The following SCAI variants were observed in gnomAD, a reference collection of about 807,000 sequenced individuals.
SCAI encodes protein SCAI.
Under a neutral mutation model 92.2 loss-of-function variants are expected in SCAI, and 24 were observed. The observed-to-expected ratio is 0.26, with a 90% CI of 0.19 to 0.37. The LOEUF is 0.37. Among genes scored for constraint, SCAI ranks in the 10% least tolerant of loss-of-function variants. The pLI is 1.00. For synonymous variants in SCAI, 261 were observed against 258.6 expected, an observed-to-expected ratio of 1.01 and a Z score of -0.09; for missense variants, 450 against 736.2, an observed-to-expected ratio of 0.61 and a Z score of 4.50.
chr9:125,049,501 T>C (rs1418757548), intron 3 of SCAI, among the ~76,000 whole-genome samples: 1 of 152,250 alleles, frequency 6.6e-6, no homozygotes, highest in African/African-American at 2.4e-5. Flanking sequence ...ACTTCATTAT[T>C]ATTGCAACTA....
chr9:124,982,340 T>G (rs1326668707), intron 14 of SCAI, among the ~76,000 whole-genome samples: 1 of 152,148 alleles, frequency 6.6e-6, no homozygotes, highest in African/African-American at 2.4e-5. Flanking sequence ...CTGACCTTTT[T>G]CATTGCCCTA....
intron 2 of SCAI, among the ~76,000 whole-genome samples, chr9:125,072,099 C>A (rs527539039): frequency 2.6e-5 from 4 of 151,866 alleles, no homozygotes; most frequent in African/African-American, 9.7e-5. Context: ...TCTCGGCTCA[C>A]TGCAACCTCT....
chr9:125,112,609 G>A (rs1834954962), intron 2 of SCAI, among the ~76,000 whole-genome samples: 1 of 152,216 alleles, frequency 6.6e-6, no homozygotes, highest in Non-Finnish European at 1.5e-5. Context: ...ATACAATGGT[G>A]TCTGATGTCA....
At chr9:125,004,763 ATATATATATATATATATTTTTTTTTT>A (rs1162024321) in intron 9 of SCAI, among the ~76,000 whole-genome samples, 9 of 7,668 alleles carry the variant, frequency 1.2e-3, no homozygotes, top group African/African-American at 3.5e-3. Context: ...ATATATATAT[ATATATATATATATATATTTTTTTTTT>A]TTTTTTTTTT....
In SCAI at chr9:125,120,601, G is replaced by A. The variant is rs528961342; in HGVS notation, c.98+22032C>T. On this transcript the variant is annotated intron_variant, in intron 2 of 17. Transcript: ENST00000336505. ...CCAGCTACTCGGGAGGCTGAGGCAG[G>A]AGAATCACTTGAACCCAGGAGGCAG... is the stretch of plus-strand genomic sequence containing the variant. Among the ~76,000 whole-genome samples the A allele has an allele frequency of 8.5e-5, 13 of 152,284 alleles. No individual in the cohort carries two copies. In the South Asian group the frequency reaches 2.7e-3, roughly 32 times the overall value.
intron 2 of SCAI, among the ~76,000 whole-genome samples, chr9:125,138,603 A>G (rs1312116206): frequency 6.6e-6 from 1 of 151,510 alleles, no homozygotes; most frequent in African/African-American, 2.4e-5. Context: ...TTTAGTAGAG[A>G]CGTGGTTTCA....
intron 2 of SCAI, among the ~76,000 whole-genome samples, chr9:125,082,255 G>A (rs10986550): frequency 0.013 from 1,955 of 152,318 alleles, 102 homozygotes; most frequent in Admixed American, 0.082. Context: ...CAAGCCTTGG[G>A]TGCTTCCACA....
At chr9:125,055,652 T>C (rs1324232672) in intron 3 of SCAI, among the ~76,000 whole-genome samples, 3 of 152,212 alleles carry the variant, frequency 2.0e-5, no homozygotes, top group Non-Finnish European at 2.9e-5. Context: ...TTTCACAAAA[T>C]AGCTCTTTTT....
At chr9:125,011,595 T>C (rs1173591864) in intron 9 of SCAI, among the ~76,000 whole-genome samples, 4 of 152,230 alleles carry the variant, frequency 2.6e-5, no homozygotes, top group Non-Finnish European at 4.4e-5. Flanking sequence ...TGGAACCAAG[T>C]TGGAAAACAC....
chr9:125,004,227 T>C (rs1832425184), intron 9 of SCAI, among the ~76,000 whole-genome samples: 1 of 151,922 alleles, frequency 6.6e-6, no homozygotes, highest in South Asian at 2.1e-4. Context: ...TCTACAAACA[T>C]GTTAACCTCC....
intron 14 of SCAI, among the ~76,000 whole-genome samples, chr9:124,986,610 T>C (rs559539258): frequency 2.3e-4 from 35 of 152,292 alleles, no homozygotes; most frequent in African/African-American, 8.2e-4. Context: ...ATACCATCGA[T>C]ATGTGAAGAG....
intron 2 of SCAI, among the ~76,000 whole-genome samples, chr9:125,125,934 A>ACACT (rs1835260784): frequency 6.6e-6 from 1 of 151,256 alleles, no homozygotes; most frequent in Non-Finnish European, 1.5e-5. Flanking sequence ...ACACACACAC[A>ACACT]CACACACACA....
rs752792133 is a variant in SCAI, at chr9:125,008,115, G to A, written c.862-4545C>T. 8.6e-5 allele frequency among the ~76,000 whole-genome samples: 13 copies of A among 151,314 alleles called. No homozygotes were observed. In the South Asian group the frequency reaches 1.2e-3, roughly 15 times the overall value. Reference sequence around the variant, plus strand: ...CCGCCTCGGCCTCCCAAAGTTCAGGGATTACAGGCGTGAGCCACCGTGCCC... The same window carrying A: ...CCGCCTCGGCCTCCCAAAGTTCAGGAATTACAGGCGTGAGCCACCGTGCCC... On this transcript the variant is annotated intron_variant, in intron 9 of 17. Transcript: ENST00000336505.
In SCAI at chr9:125,019,155, A is replaced by G. The variant is rs753199519; in HGVS notation, c.660T>C (p.Asp220=). Residue 220 remains aspartate (D), a synonymous_variant, in exon 8 of 18, where the codon GAT becomes GAC. Transcript: ENST00000336505. ...GAAGCACCAAGTTCCATTCCACTTG[A>G]TCTTCAGTATTAAATCGGTGAGTAT... The part of the protein sequence containing the change: ...EDYTHRFNTE[D]QVEWNLVLQE... The G allele has an allele frequency of 6.2e-7, 1 of 1,604,314 alleles. No individual in the cohort carries two copies. Among genetic ancestry groups the G allele is most frequent in the South Asian group, 1.1e-5 (1 of 89,146 alleles).
At chr9:124,971,987 C>T (rs900698497) in intron 15 of SCAI, 143 bp from the exon 16 acceptor site, 5 of 470,452 alleles carry the variant, frequency 1.1e-5, no homozygotes, top group Admixed American at 8.6e-5. Flanking sequence ...AGATTCTTCA[C>T]GAAACTACAA....
chr9:125,075,706 C>T (rs1352201877), intron 2 of SCAI, among the ~76,000 whole-genome samples: 1 of 152,034 alleles, frequency 6.6e-6, no homozygotes, highest in African/African-American at 2.4e-5. Flanking sequence ...GCTGGGATTA[C>T]AGGCATGTGC....
At chr9:125,046,896 C>T (rs1034162482) in intron 3 of SCAI, among the ~76,000 whole-genome samples, 11 of 151,652 alleles carry the variant, frequency 7.3e-5, no homozygotes, top group African/African-American at 2.7e-4. Context: ...AGAATATATT[C>T]ATCTATTTTA....
At position 125,002,488 on chromosome 9, in the gene SCAI, G is replaced by GTTTTTTTTTTTTTTTTT. The variant is rs58586769; in HGVS notation, c.1066-446_1066-445insAAAAAAAAAAAAAAAAA. 1.2e-3 allele frequency among the ~76,000 whole-genome samples: 144 copies of GTTTTTTTTTTTTTTTTT among 125,062 alleles called. 5 individuals are homozygous for GTTTTTTTTTTTTTTTTT. Among genetic ancestry groups the GTTTTTTTTTTTTTTTTT allele is most frequent in the African/African-American group, 3.7e-3 (118 of 31,640 alleles). The allele number at this position is 125,062 out of a possible 152,430, so 82.0% of individuals were successfully genotyped here. Reference sequence around the variant, plus strand: ...ACACTCTGCTTTTGTTTTTTAGTCTGTTTTTTTTTTTGAAACAGAGTTTCA... The same window carrying GTTTTTTTTTTTTTTTTT: ...ACACTCTGCTTTTGTTTTTTAGTCTGTTTTTTTTTTTTTTTTTTTTTTTTTTTTGAAACAGAGTTTCA... On this transcript the variant is annotated intron_variant, in intron 11 of 17. Coordinates refer to ENST00000336505, the MANE Select transcript of SCAI (RefSeq NM_001144877.3).
chr9:124,961,515 T>C (rs1281681218), intron 17 of SCAI, among the ~76,000 whole-genome samples: 2 of 151,638 alleles, frequency 1.3e-5, no homozygotes, highest in Non-Finnish European at 1.5e-5. Context: ...CTGGGCGTGG[T>C]GGCACACACC....
Sources: gnomAD v4.1 joint callset for allele counts (sites outside exome capture counted in the v4.1 genomes callset) on GRCh38, gnomAD v4.1.1 for gene constraint, MANE v1.5 for transcripts, NCBI Gene and HGNC (gene_info 2026-07-23, HGNC 2026-07-21) for gene names.